PCCA: variants seen among roughly 807,000 people sequenced by gnomAD.
The protein encoded by PCCA is propionyl-CoA carboxylase alpha chain, mitochondrial.
In PCCA, 74 loss-of-function variants were observed where a neutral mutation model predicts 101.3. That is an observed-to-expected ratio of 0.73 (90% CI 0.61 to 0.89). The LOEUF (loss-of-function observed/expected upper bound fraction) is 0.89. Among genes scored for constraint, PCCA ranks in the 40% least tolerant of loss-of-function variants. PCCA has a pLI of 0.00. For synonymous variants in PCCA, 294 were observed against 313.6 expected (o/e 0.94, Z 0.66); for missense variants, 891 against 907.0 (o/e 0.98, Z 0.23).
intron 14 of PCCA, chr13:100,305,961 T>C (rs965614993): frequency 1.4e-5 from 4 of 278,018 alleles, no homozygotes; most frequent in Non-Finnish European, 2.1e-5. Flanking sequence ...AGGTATGTTA[T>C]AGTGTTCCTT....
intron 7 of PCCA, among the ~76,000 whole-genome samples, chr13:100,215,832 G>A (rs924799160): frequency 5.3e-5 from 8 of 151,916 alleles, no homozygotes; most frequent in African/African-American, 1.9e-4. Flanking sequence ...TAGAGATGAA[G>A]TTTCACCACG....
chr13:100,137,252 G>T (rs2051294941), intron 4 of PCCA, among the ~76,000 whole-genome samples: 1 of 151,892 alleles, frequency 6.6e-6, no homozygotes, highest in South Asian at 2.1e-4. Context: ...AGTGTGTTAA[G>T]TTCATTTTCT....
At chr13:100,378,315 C>G (rs1433502528) in intron 19 of PCCA, among the ~76,000 whole-genome samples, 1 of 152,142 alleles carries the variant, frequency 6.6e-6, no homozygotes. Flanking sequence ...TCTGATGGGA[C>G]TTCCTTTATA....
chr13:100,135,739 A>G (rs377016056), intron 4 of PCCA, among the ~76,000 whole-genome samples: 2 of 152,216 alleles, frequency 1.3e-5, no homozygotes, highest in East Asian at 1.9e-4. Flanking sequence ...CTTATTCCCA[A>G]TCTTAGTGGA....
chr13:100,139,008 A>G (rs192922747), intron 4 of PCCA, among the ~76,000 whole-genome samples: 2 of 151,440 alleles, frequency 1.3e-5, no homozygotes, highest in East Asian at 1.9e-4. Context: ...GGATATTTGC[A>G]CTGAATATAG....
chr13:100,219,746 G>A (rs536238039), intron 7 of PCCA, among the ~76,000 whole-genome samples: 3 of 152,294 alleles, frequency 2.0e-5, no homozygotes, highest in South Asian at 2.1e-4. Context: ...TTTGCTGTTA[G>A]AACATTTGCC....
At chr13:100,168,717 A>T (rs1426123485) in intron 6 of PCCA, among the ~76,000 whole-genome samples, 2 of 152,154 alleles carry the variant, frequency 1.3e-5, no homozygotes, top group East Asian at 3.8e-4. Context: ...TTAGGTGACC[A>T]TCCCTTCCCT....
At chr13:100,413,240 A>G (rs1456638525) in intron 19 of PCCA, among the ~76,000 whole-genome samples, 1 of 152,248 alleles carries the variant, frequency 6.6e-6, no homozygotes, top group African/African-American at 2.4e-5. Flanking sequence ...AACAAGAAAC[A>G]GCACATCACA....
At chr13:100,172,360 A>T (rs73570990) in intron 6 of PCCA, among the ~76,000 whole-genome samples, 3,588 of 152,072 alleles carry the variant, frequency 0.024, 148 homozygotes, top group African/African-American at 0.082. Context: ...ATTTTTTAGG[A>T]TCTGTTATTT....
At chr13:100,157,254 A>C (rs1186788688) in intron 5 of PCCA, 33 bp from the exon 6 acceptor site, 1 of 1,521,950 alleles carries the variant, frequency 6.6e-7, no homozygotes, top group Non-Finnish European at 9.1e-7. Flanking sequence ...CAATATGATA[A>C]AATTGAAAGT....
chr13:100,450,551 T>C (rs919328819), intron 21 of PCCA, among the ~76,000 whole-genome samples: 3 of 152,198 alleles, frequency 2.0e-5, no homozygotes, highest in African/African-American at 7.2e-5. Flanking sequence ...TGGATTCATA[T>C]TGGGCATTTC....
chr13:100,203,995 G>T lies in PCCA; in HGVS notation c.469-5337G>T, dbSNP rs185593939. ...TTTTGAAAGCTTTCTTTCTGACTCAGTTTATCTCATGTGCTAACTTCCTGA... is the reference window on the plus strand; with the variant it reads ...TTTTGAAAGCTTTCTTTCTGACTCATTTTATCTCATGTGCTAACTTCCTGA... On this transcript the variant is annotated intron_variant, in intron 6 of 23. Transcript: ENST00000376285. Among the ~76,000 whole-genome samples the T allele has an allele frequency of 1.5e-4, 23 of 152,266 alleles. No homozygotes were observed. The East Asian group carries it at 3.9e-3, about 26-fold the overall frequency.
At chr13:100,368,439 T>C in intron 18 of PCCA, 33 bp from the exon 19 acceptor site, 1 of 1,127,728 alleles carries the variant, frequency 8.9e-7, no homozygotes, top group Non-Finnish European at 1.3e-6. Context: ...TAATATAAAA[T>C]TATTAACTCT....
At chr13:100,198,877 T>C (rs1354774378) in intron 6 of PCCA, among the ~76,000 whole-genome samples, 1 of 151,816 alleles carries the variant, frequency 6.6e-6, no homozygotes, top group African/African-American at 2.4e-5. Flanking sequence ...GAATCTTTAC[T>C]GAAGCATCCC....
chr13:100,233,404 A>C (rs1359754759), intron 7 of PCCA, among the ~76,000 whole-genome samples: 1 of 152,154 alleles, frequency 6.6e-6, no homozygotes, highest in African/African-American at 2.4e-5. Flanking sequence ...CTTTTAATTT[A>C]ATCTTTTGTG....
chr13:100,451,259 TAAC>T (rs1423076542), intron 21 of PCCA, among the ~76,000 whole-genome samples: 1 of 152,166 alleles, frequency 6.6e-6, no homozygotes, highest in Non-Finnish European at 1.5e-5. Context: ...GTGTTTGACC[TAAC>T]ATCTGGGTAC....
intron 19 of PCCA, among the ~76,000 whole-genome samples, chr13:100,421,143 G>A (rs77114488): frequency 6.6e-6 from 1 of 152,180 alleles, no homozygotes; most frequent in Non-Finnish European, 1.5e-5. Context: ...GGAGGTGGAC[G>A]GAGGTTGCAG....
intron 19 of PCCA, among the ~76,000 whole-genome samples, chr13:100,384,027 A>ATT (rs11301747): frequency 7.4e-6 from 1 of 134,822 alleles, no homozygotes. Context: ...TGAAAGTTTG[A>ATT]TTTTTTTTTT....
At chr13:100,488,250 T>C (rs1331503930) in intron 21 of PCCA, among the ~76,000 whole-genome samples, 2 of 152,136 alleles carry the variant, frequency 1.3e-5, no homozygotes, top group African/African-American at 4.8e-5. Flanking sequence ...TGCGCCACCA[T>C]GCACGGCTAA....
Sources: allele counts gnomAD v4.1 joint callset (sites outside exome capture counted in the v4.1 genomes callset), GRCh38; gene constraint gnomAD v4.1.1; transcripts MANE v1.5; gene names NCBI Gene and HGNC (gene_info 2026-07-23, HGNC 2026-07-21).